Variants in RGS7 observed in about 807,000 individuals in gnomAD.
RGS7 encodes regulator of G-protein signaling 7.
A neutral mutation model predicts 81.1 loss-of-function variants in RGS7; 27 were observed. The observed-to-expected ratio is 0.33, with a 90% confidence interval of 0.25 to 0.46. The LOEUF (loss-of-function observed/expected upper bound fraction) is 0.46. RGS7 is among the 20% of genes least tolerant of loss of function. The probability of loss-of-function intolerance (pLI) is 1.00; values close to 1 mark genes in which losing one functional copy is unlikely to be tolerated. For missense variants in RGS7, 396 were observed against 607.4 expected, an observed-to-expected ratio of 0.65 and a Z score of 3.66; for synonymous variants, 208 against 207.7, an observed-to-expected ratio of 1.00 and a Z score of -0.01.
chr1:241,317,760 G>A (rs2080969431), intron 2 of RGS7, among the ~76,000 whole-genome samples: 1 of 152,200 alleles, frequency 6.6e-6, no homozygotes, highest in Non-Finnish European at 1.5e-5. Context: ...GGATTATCAA[G>A]GTTTCAGACT....
intron 2 of RGS7, among the ~76,000 whole-genome samples, chr1:241,252,312 G>C (rs931264376): frequency 6.6e-6 from 1 of 152,110 alleles, no homozygotes; most frequent in Non-Finnish European, 1.5e-5. Context: ...CCAAAGTGTT[G>C]GGATTACAGG....
intron 2 of RGS7, among the ~76,000 whole-genome samples, chr1:241,249,119 C>A (rs1199163700): frequency 6.6e-6 from 1 of 152,108 alleles, no homozygotes; most frequent in Non-Finnish European, 1.5e-5. Flanking sequence ...TTCTAATTTT[C>A]GTGAGGTATA....
At chr1:240,915,238 G>T (rs138312282) in intron 6 of RGS7, among the ~76,000 whole-genome samples, 2 of 151,956 alleles carry the variant, frequency 1.3e-5, no homozygotes, top group Non-Finnish European at 2.9e-5. Context: ...CTAAACCACC[G>T]GGGAGTAGGG....
intron 2 of RGS7, among the ~76,000 whole-genome samples, chr1:241,351,213 A>G (rs1832797): frequency 0.96 from 145,265 of 152,098 alleles, 69,595 homozygotes; most frequent in East Asian, 1. Flanking sequence ...GAGCCTAGGA[A>G]TTCAAGACCA....
intron 3 of RGS7, among the ~76,000 whole-genome samples, chr1:240,988,011 C>A (rs1007640298): frequency 1.3e-5 from 2 of 152,004 alleles, no homozygotes; most frequent in African/African-American, 4.8e-5. Flanking sequence ...CTTTAAGGAA[C>A]AAGAAAGAAA....
At chr1:241,295,398 A>G (rs1218039067) in intron 2 of RGS7, among the ~76,000 whole-genome samples, 1 of 152,036 alleles carries the variant, frequency 6.6e-6, no homozygotes, top group Non-Finnish European at 1.5e-5. Context: ...GGTTGCAGTG[A>G]GCCGAGATCG....
At chr1:241,307,853 CATA>C (rs1433845182) in intron 2 of RGS7, among the ~76,000 whole-genome samples, 3 of 152,112 alleles carry the variant, frequency 2.0e-5, no homozygotes, top group African/African-American at 7.2e-5. Flanking sequence ...TCCCAAGCTC[CATA>C]ACATTGGGTG....
chr1:240,851,843 T>G (rs1478090060), intron 9 of RGS7, among the ~76,000 whole-genome samples: 1 of 152,190 alleles, frequency 6.6e-6, no homozygotes, highest in Non-Finnish European at 1.5e-5. Flanking sequence ...CCTACAGATT[T>G]GACTGAATTG....
At chr1:241,068,381 T>A (rs1344945154) in intron 3 of RGS7, among the ~76,000 whole-genome samples, 1 of 151,438 alleles carries the variant, frequency 6.6e-6, no homozygotes, top group African/African-American at 2.4e-5. Flanking sequence ...TTCTTCTCCT[T>A]ATTCTGCTCT....
At chr1:241,254,055 T>G (rs528685282) in intron 2 of RGS7, among the ~76,000 whole-genome samples, 12 of 151,706 alleles carry the variant, frequency 7.9e-5, no homozygotes, top group Non-Finnish European at 1.5e-4. Flanking sequence ...AAAAAATTAG[T>G]TGGATGTAGT....
intron 4 of RGS7, among the ~76,000 whole-genome samples, chr1:240,953,350 A>C (rs1286783074): frequency 6.6e-6 from 1 of 151,956 alleles, no homozygotes; most frequent in East Asian, 1.9e-4. Context: ...GTGTCATAAA[A>C]TAGATCTTAA....
intron 2 of RGS7, among the ~76,000 whole-genome samples, chr1:241,188,695 C>T (rs2072343859): frequency 6.6e-6 from 1 of 152,086 alleles, no homozygotes; most frequent in Non-Finnish European, 1.5e-5. Context: ...AGTCCTAAGA[C>T]TAATATTAAT....
chr1:240,973,378 G>A (rs1484668331), intron 4 of RGS7, among the ~76,000 whole-genome samples: 2 of 151,648 alleles, frequency 1.3e-5, no homozygotes, highest in Admixed American at 1.3e-4. Context: ...AATTAGCGGG[G>A]CGTGGTGGCT....
chr1:241,167,094 G>A (rs4660036), intron 2 of RGS7, among the ~76,000 whole-genome samples: 59,086 of 151,910 alleles, frequency 0.39, 11,780 homozygotes, highest in East Asian at 0.61. Context: ...CTTTTAGTTT[G>A]TCAGTCACCA....
intron 6 of RGS7, among the ~76,000 whole-genome samples, chr1:240,871,309 C>T (rs772164998): frequency 6.6e-6 from 1 of 152,130 alleles, no homozygotes; most frequent in Non-Finnish European, 1.5e-5. Flanking sequence ...GGAAATATCA[C>T]CTTTGCACTA....
intron 2 of RGS7, among the ~76,000 whole-genome samples, chr1:241,334,911 G>C (rs898455880): frequency 6.6e-6 from 1 of 152,108 alleles, no homozygotes; most frequent in Non-Finnish European, 1.5e-5. Flanking sequence ...TGACATATTA[G>C]AAGTCATTAA....
chr1:240,788,208 T>A (rs1382224808), intron 18 of RGS7, among the ~76,000 whole-genome samples: 1 of 152,244 alleles, frequency 6.6e-6, no homozygotes, highest in Non-Finnish European at 1.5e-5. Flanking sequence ...TTTCTTTTTA[T>A]ACTCAAATTT....
At chr1:240,899,879 G>A (rs1032900442) in intron 6 of RGS7, among the ~76,000 whole-genome samples, 1 of 152,314 alleles carries the variant, frequency 6.6e-6, no homozygotes, top group South Asian at 2.1e-4. Flanking sequence ...CCTGAAGAGT[G>A]TTTTCCAACT....
chr1:241,186,987 T>C (rs1392354791), intron 2 of RGS7, among the ~76,000 whole-genome samples: 2 of 152,174 alleles, frequency 1.3e-5, no homozygotes, highest in Non-Finnish European at 2.9e-5. Context: ...CATAGAAACT[T>C]AAGCTCCCTT....
Sources: gnomAD v4.1 joint callset for allele counts (sites outside exome capture counted in the v4.1 genomes callset) on GRCh38, gnomAD v4.1.1 for gene constraint, MANE v1.5 for transcripts, NCBI Gene and HGNC (gene_info 2026-07-23, HGNC 2026-07-21) for gene names.